Variants in CCDC85A observed in about 807,000 individuals in gnomAD.
CCDC85A encodes the protein coiled-coil domain containing 85A.
A neutral mutation model predicts 50.2 loss-of-function variants in CCDC85A; 38 were observed. The observed-to-expected ratio is 0.76, with a 90% confidence interval of 0.58 to 0.99. The LOEUF (loss-of-function observed/expected upper bound fraction) is 0.99, where lower values mean the gene tolerates loss of function less well. CCDC85A is among the 50% of genes least tolerant of loss of function. The probability of loss-of-function intolerance (pLI) is 0.00; values close to 1 mark genes in which losing one functional copy is unlikely to be tolerated. For missense variants in CCDC85A, 820 were observed against 742.0 expected (o/e 1.11, Z -1.22); for synonymous variants, 366 against 301.4 (o/e 1.21, Z -2.22).
intron 2 of CCDC85A, among the ~76,000 whole-genome samples, chr2:56,304,725 A>G (rs1252593783): frequency 6.6e-6 from 1 of 152,072 alleles, no homozygotes; most frequent in Non-Finnish European, 1.5e-5. Flanking sequence ...TGACCTCAGT[A>G]TACTCCTTTT....
intron 2 of CCDC85A, among the ~76,000 whole-genome samples, chr2:56,327,764 A>T (rs951474723): frequency 6.6e-6 from 1 of 151,446 alleles, no homozygotes; most frequent in African/African-American, 2.4e-5. Context: ...CCTTGATATA[A>T]ATCAGGAAAG....
chr2:56,327,328 A>G (rs1673526590), intron 2 of CCDC85A, among the ~76,000 whole-genome samples: 1 of 152,150 alleles, frequency 6.6e-6, no homozygotes, highest in Admixed American at 6.6e-5. Context: ...CAATGATGCT[A>G]ATATGCCTGG....
intron 2 of CCDC85A, among the ~76,000 whole-genome samples, chr2:56,253,219 G>A (rs937564289): frequency 2.1e-4 from 32 of 152,216 alleles, no homozygotes; most frequent in Non-Finnish European, 1.5e-4. Context: ...CGCCCATCAA[G>A]GATAAACTGT....
At chr2:56,189,726 C>G (rs1408028413) in intron 1 of CCDC85A, among the ~76,000 whole-genome samples, 3 of 152,106 alleles carry the variant, frequency 2.0e-5, no homozygotes, top group African/African-American at 2.4e-5. Flanking sequence ...TTTTTTAACC[C>G]TTACCTCCCT....
At position 56,192,545 on chromosome 2, in the gene CCDC85A, C is replaced by G. The variant is rs1319343515; in HGVS notation, c.345C>G (p.Asp115Glu). Reference protein sequence around the residue: ...LRDLCCFLDDDRQKGKRVSRE... With the variant: ...LRDLCCFLDDERQKGKRVSRE... ...ACCTCTGCTGTTTCCTGGATGATGA[C>G]CGGCAGAAAGGCAAGAGGGTGTCTC... The change falls in exon 2 of 6, where the codon GAC becomes GAG. Residue 115 changes from aspartate to glutamate, a missense_variant. Asp to Glu is a conservative substitution (Grantham distance 45). Coordinates refer to ENST00000407595, the MANE Select transcript of CCDC85A (RefSeq NM_001080433.2). This position sits in a 1 kb window ranked among gnomAD's most constrained non-coding sequence, Gnocchi z 4.7. The G allele has an allele frequency of 2.5e-6, 4 of 1,613,854 alleles. No homozygotes were observed. The South Asian group carries it at 4.4e-5, about 18-fold the overall frequency.
intron 2 of CCDC85A, among the ~76,000 whole-genome samples, chr2:56,327,651 A>G (rs747392129): frequency 1.3e-5 from 2 of 152,170 alleles, no homozygotes; most frequent in Admixed American, 6.6e-5. Flanking sequence ...AATATTCAGC[A>G]TGGTATAGTT....
intron 2 of CCDC85A, among the ~76,000 whole-genome samples, chr2:56,317,277 T>C (rs1672964489): frequency 6.6e-6 from 1 of 152,130 alleles, no homozygotes; most frequent in Non-Finnish European, 1.5e-5. Context: ...TATCTGTAAA[T>C]ATATTTTCCA....
intron 3 of CCDC85A, among the ~76,000 whole-genome samples, chr2:56,366,936 T>C (rs1381895365): frequency 6.6e-6 from 1 of 152,234 alleles, no homozygotes; most frequent in Non-Finnish European, 1.5e-5. Context: ...TTTGCCATTA[T>C]CTTATAATGC....
intron 2 of CCDC85A, among the ~76,000 whole-genome samples, chr2:56,306,506 A>T (rs776077279): frequency 6.6e-6 from 1 of 152,204 alleles, no homozygotes; most frequent in Non-Finnish European, 1.5e-5. Flanking sequence ...AACTCACATT[A>T]TATAACTACT....
At chr2:56,315,047 C>T (rs1360867838) in intron 2 of CCDC85A, among the ~76,000 whole-genome samples, 2 of 152,124 alleles carry the variant, frequency 1.3e-5, no homozygotes, top group African/African-American at 2.4e-5. Flanking sequence ...TTCTCCCATC[C>T]CCCTTTGCTT....
chr2:56,265,775 C>T (rs1017914761), intron 2 of CCDC85A, among the ~76,000 whole-genome samples: 2 of 151,938 alleles, frequency 1.3e-5, no homozygotes, highest in Non-Finnish European at 2.9e-5. Context: ...CCCTTTGATC[C>T]AGCAGTCTCA....
intron 2 of CCDC85A, among the ~76,000 whole-genome samples, chr2:56,201,155 T>C (rs575509866): frequency 6.6e-6 from 1 of 152,106 alleles, no homozygotes; most frequent in South Asian, 2.1e-4. Context: ...AGTGTTCTTG[T>C]ATGTATATTT....
At position 56,255,858 on chromosome 2, in the gene CCDC85A, G is replaced by T. The variant is rs550673038; in HGVS notation, c.1240+62418G>T. Among the ~76,000 whole-genome samples the T allele has an allele frequency of 6.6e-5, 10 of 152,248 alleles. No individual in the cohort carries two copies. In the South Asian group the frequency reaches 2.1e-3, roughly 32 times the overall value. On this transcript the variant is annotated intron_variant, in intron 2 of 5. Coordinates refer to ENST00000407595, the MANE Select transcript of CCDC85A (RefSeq NM_001080433.2). ...GAGAGAATGAACACAGGAAAAATAA[G>T]ATTTAGAAGAGACAAGAGTGGAAGA...
At chr2:56,201,387 CCCTGGTG>C (rs1676742964) in intron 2 of CCDC85A, among the ~76,000 whole-genome samples, 2 of 152,112 alleles carry the variant, frequency 1.3e-5, no homozygotes, top group Non-Finnish European at 2.9e-5. Flanking sequence ...CTCTGATACT[CCCTGGTG>C]AGTTGGCTTT....
chr2:56,337,720 C>G (rs1674144339), intron 2 of CCDC85A, among the ~76,000 whole-genome samples: 1 of 151,742 alleles, frequency 6.6e-6, no homozygotes, highest in African/African-American at 2.4e-5. Context: ...TTCAAATTAC[C>G]TTATTGTTTT....
chr2:56,256,658 C>T (rs1369895014), intron 2 of CCDC85A, among the ~76,000 whole-genome samples: 4 of 152,206 alleles, frequency 2.6e-5, no homozygotes, highest in African/African-American at 7.2e-5. Flanking sequence ...AGGAGCCCTG[C>T]AGTTGACTTA....
Position 56,358,211 on chromosome 2 carries a change from C to T in CCDC85A, c.1318-14133C>T, listed in dbSNP as rs547358885. Among the ~76,000 whole-genome samples, 8 of 152,312 alleles carry T rather than the reference C, an allele frequency of 5.3e-5. No homozygotes were observed. In the South Asian group the frequency reaches 1.2e-3, roughly 24 times the overall value. Reference sequence around the variant, plus strand: ...GCGTAGTATTGGGGTCTGAATACGACAGATCCCAGGAAACCTGGGCTTTAG... The same window carrying T: ...GCGTAGTATTGGGGTCTGAATACGATAGATCCCAGGAAACCTGGGCTTTAG... On this transcript the variant is annotated intron_variant, in intron 3 of 5. Transcript: ENST00000407595.
At chr2:56,376,048 A>T in intron 5 of CCDC85A, 113 bp downstream of exon 5, 1 of 1,117,782 alleles carries the variant, frequency 8.9e-7, no homozygotes, top group Non-Finnish European at 1.2e-6. Flanking sequence ...TTATTTTTTG[A>T]CTCCTTATGG....
intron 3 of CCDC85A, among the ~76,000 whole-genome samples, chr2:56,356,653 A>G (rs1381886381): frequency 6.6e-6 from 1 of 150,500 alleles, no homozygotes; most frequent in African/African-American, 2.4e-5. Context: ...TGAAACTGGG[A>G]TGCAGAGGTT....
Sources: gnomAD v4.1 joint callset for allele counts (sites outside exome capture counted in the v4.1 genomes callset) on GRCh38, gnomAD v4.1.1 for gene constraint, Gnocchi (gnomAD v3.1) non-coding constraint, MANE v1.5 for transcripts, NCBI Gene and HGNC (gene_info 2026-07-23, HGNC 2026-07-21) for gene names.